SLC15A4: variants seen among roughly 807,000 people sequenced by gnomAD.
SLC15A4 encodes hPHT1.
SLC15A4 carries 26 observed loss-of-function variants against 46.1 expected under a neutral mutation model. The ratio of observed to expected loss-of-function variants is 0.56; its 90% CI spans 0.41 to 0.78. The LOEUF (loss-of-function observed/expected upper bound fraction) is 0.78, where lower values mean the gene tolerates loss of function less well. Among genes scored for constraint, SLC15A4 ranks in the 30% least tolerant of loss-of-function variants. The pLI is 0.00. For missense variants in SLC15A4, 751 were observed against 755.7 expected (o/e 0.99, Z 0.07); for synonymous variants, 370 against 333.4 (o/e 1.11, Z -1.20).
chr12:128,819,319 G>C (rs1317792593), intron 1 of SLC15A4, among the ~76,000 whole-genome samples: 2 of 152,102 alleles, frequency 1.3e-5, no homozygotes, highest in Non-Finnish European at 2.9e-5. Flanking sequence ...CAGGAAAATA[G>C]CTTGAACCAG....
rs1555253743 is a variant in SLC15A4, at chr12:128,815,311, A to AGTTTTTCCAAGTATGTGGAAAAACTT, written c.547-242_547-241insAAGTTTTTCCACATACTTGGAAAAAC. On this transcript the variant is annotated intron_variant, in intron 1 of 7. Coordinates refer to ENST00000266771, the MANE Select transcript of SLC15A4 (RefSeq NM_145648.4). ...TACACTAAATTCCAACAAATGCTAG[A>AGTTTTTCCAAGTATGTGGAAAAACTT]GAGTTTTTCCAAGTATATTCTGCTG... is the stretch of plus-strand genomic sequence containing the variant. The AGTTTTTCCAAGTATGTGGAAAAACTT allele has an allele frequency of 7.9e-4, 329 of 418,742 alleles. 3 individuals carry two copies. Among genetic ancestry groups the AGTTTTTCCAAGTATGTGGAAAAACTT allele is most frequent in the Non-Finnish European group, 1.1e-3 (259 of 227,780 alleles). 25.9% of individuals were successfully genotyped at this position (418,742 alleles called of 1,614,324 possible).
At chr12:128,799,232 C>G (rs1327726878) in intron 7 of SLC15A4, 27 bp downstream of exon 7, 1 of 1,611,058 alleles carries the variant, frequency 6.2e-7, no homozygotes, top group South Asian at 1.1e-5. Flanking sequence ...TGGCTATTTT[C>G]AAAAGGGACA....
intron 1 of SLC15A4, chr12:128,815,911 C>T (rs1955744841): frequency 6.6e-6 from 1 of 152,272 alleles, no homozygotes; most frequent in South Asian, 2.1e-4. Flanking sequence ...CAAAGAGAGA[C>T]ATTTGTTCAG....
rs1955510527 is a variant in SLC15A4, at chr12:128,800,890, G to T, written c.1378C>A (p.Leu460Met). ...SLWWQVPQYL[L>M]IGISEIFASI... is the part of the protein sequence containing the mutation. ...GCAAAGATCTCGCTGATCCCAATCA[G>T]CAAGTACTGCGGCACCTGCCACCAC... The change falls in exon 6 of 8, where the codon CTG becomes ATG. Residue 460 changes from leucine to methionine, a missense_variant. By Grantham distance (15) the Leu-to-Met change is conservative. Coordinates refer to ENST00000266771, the MANE Select transcript of SLC15A4 (RefSeq NM_145648.4). 6.2e-7 allele frequency: 1 copy of T among 1,613,582 alleles called. No individual in the cohort carries two copies. Among genetic ancestry groups the T allele is most frequent in the Non-Finnish European group, 8.5e-7 (1 of 1,179,936 alleles).
At chr12:128,810,989 G>A (rs944313706) in intron 2 of SLC15A4, among the ~76,000 whole-genome samples, 11 of 152,146 alleles carry the variant, frequency 7.2e-5, no homozygotes, top group African/African-American at 1.2e-4. Context: ...CACATCTGCC[G>A]GTCACAGCAG....
intron 5 of SLC15A4, among the ~76,000 whole-genome samples, chr12:128,805,308 AG>A (rs1384860030): frequency 6.6e-6 from 1 of 152,220 alleles, no homozygotes; most frequent in African/African-American, 2.4e-5. Context: ...AAAGAAAAAG[AG>A]AAAAAGAGAT....
chr12:128,822,234 G>C (rs1194923889), intron 1 of SLC15A4, among the ~76,000 whole-genome samples: 1 of 152,182 alleles, frequency 6.6e-6, no homozygotes, highest in Non-Finnish European at 1.5e-5. Flanking sequence ...CTCACTTCTT[G>C]GCAGTTACAG....
At chr12:128,815,216 T>A in intron 1 of SLC15A4, 146 bp from the exon 2 acceptor site, 5 of 742,054 alleles carry the variant, frequency 6.7e-6, no homozygotes, top group Non-Finnish European at 1.1e-5. Context: ...ACAGAAACAT[T>A]CACGGATCTC....
chr12:128,818,835 G>A (rs188236691), intron 1 of SLC15A4, among the ~76,000 whole-genome samples: 32 of 152,196 alleles, frequency 2.1e-4, no homozygotes, highest in African/African-American at 6.7e-4. Context: ...CGCCTCTTCC[G>A]GGCATTCCAC....
At chr12:128,807,912 C>T (rs10847694) in intron 5 of SLC15A4, among the ~76,000 whole-genome samples, 1 of 152,060 alleles carries the variant, frequency 6.6e-6, no homozygotes, top group Non-Finnish European at 1.5e-5. Context: ...TCAATACATT[C>T]AGTCTGGCAA....
At chr12:128,820,411 C>T (rs891050531) in intron 1 of SLC15A4, among the ~76,000 whole-genome samples, 2 of 152,186 alleles carry the variant, frequency 1.3e-5, no homozygotes, top group Non-Finnish European at 2.9e-5. Context: ...GTAAAGCATA[C>T]GCCACTGTAC....
chr12:128,822,103 CT>C (rs1348340733), intron 1 of SLC15A4, among the ~76,000 whole-genome samples: 1 of 152,008 alleles, frequency 6.6e-6, no homozygotes, highest in East Asian at 1.9e-4. Context: ...TCACTTCCCA[CT>C]TTTTTTTATA....
At chr12:128,810,710 GTGA>G (rs1316940422) in intron 2 of SLC15A4, among the ~76,000 whole-genome samples, 1 of 152,168 alleles carries the variant, frequency 6.6e-6, no homozygotes, top group Non-Finnish European at 1.5e-5. Context: ...GGTGCTGGTG[GTGA>G]TGAGAGGAGG....
rs550476225 is a variant in SLC15A4, at chr12:128,822,450, T to C, written c.546+948A>G. ...AGGGCCCTGCACCTGCGAATCCCCATGTCTGGAAAGCTCCTCAAACAACTG... is the reference window on the plus strand; with the variant it reads ...AGGGCCCTGCACCTGCGAATCCCCACGTCTGGAAAGCTCCTCAAACAACTG... On this transcript the variant is annotated intron_variant, in intron 1 of 7. Transcript: ENST00000266771. 2.3e-3 allele frequency among the ~76,000 whole-genome samples: 343 copies of C among 152,366 alleles called. 1 individual carries two copies. The highest frequency in any genetic ancestry group is 4.6e-3 in the Admixed American group (70 of 15,302).
At position 128,793,987 on chromosome 12, in the gene SLC15A4, C is replaced by G; in HGVS notation, c.*209G>C. The G allele has an allele frequency of 2.4e-6, 1 of 417,370 alleles. No homozygotes were observed. The highest frequency in any genetic ancestry group is 4.3e-6 in the Non-Finnish European group (1 of 235,290). 25.9% of individuals were successfully genotyped at this position (417,370 alleles called of 1,614,324 possible). A position where few individuals can be genotyped will look rare whatever the true frequency, so the allele number is the denominator to read the frequency against. ...TACTCGAAATCTGCAGCTCTCCTCC[C>G]GGAGGGCCCAGCGTGCCAGGAGACA... On this transcript the variant is annotated 3_prime_UTR_variant, in exon 8 of 8. Transcript: ENST00000266771.
chr12:128,812,608 G>A (rs10847696), intron 2 of SLC15A4, among the ~76,000 whole-genome samples: 16,452 of 152,082 alleles, frequency 0.11, 1,069 homozygotes, highest in Admixed American at 0.21. Context: ...GAGCCACCAC[G>A]CCCAGCCTGG....
intron 1 of SLC15A4, among the ~76,000 whole-genome samples, chr12:128,818,341 T>C (rs1955787570): frequency 6.6e-6 from 1 of 152,200 alleles, no homozygotes; most frequent in South Asian, 2.1e-4. Flanking sequence ...CCTATCAGAA[T>C]GTTTCCCAGA....
intron 5 of SLC15A4, among the ~76,000 whole-genome samples, chr12:128,803,707 G>GA (rs796734954): frequency 4.5e-4 from 67 of 148,364 alleles, no homozygotes; most frequent in Admixed American, 2.3e-3. Context: ...ACAGGTAGAC[G>GA]AAAAAAAAAA....
At chr12:128,813,116 C>T (rs1161294067) in intron 2 of SLC15A4, 3 of 152,112 alleles carry the variant, frequency 2.0e-5, no homozygotes, top group East Asian at 1.9e-4. Flanking sequence ...CTCTAGGATC[C>T]GAAACACTGC....
Sources: allele counts gnomAD v4.1 joint callset (sites outside exome capture counted in the v4.1 genomes callset), GRCh38; gene constraint gnomAD v4.1.1; transcripts MANE v1.5; gene names NCBI Gene and HGNC (gene_info 2026-07-23, HGNC 2026-07-21).